Variants in LRRC74A observed in about 807,000 individuals in gnomAD.
The protein encoded by LRRC74A is leucine-rich repeat-containing protein 74A.
LRRC74A carries 44 observed loss-of-function variants against 57.9 expected under a neutral mutation model. The ratio of observed to expected loss-of-function variants is 0.76; its 90% confidence interval spans 0.60 to 0.98. The LOEUF (loss-of-function observed/expected upper bound fraction) is 0.98. Among genes scored for constraint, LRRC74A ranks in the 50% least tolerant of loss-of-function variants. The probability of loss-of-function intolerance (pLI) is 0.00; values close to 1 mark genes in which losing one functional copy is unlikely to be tolerated. For synonymous variants in LRRC74A, 211 were observed against 219.4 expected (o/e 0.96, Z 0.34); for missense variants, 572 against 574.0 (o/e 1.00, Z 0.04).
chr14:76,840,872 C>T (rs950262138), intron 5 of LRRC74A, among the ~76,000 whole-genome samples: 8 of 151,628 alleles, frequency 5.3e-5, no homozygotes, highest in Non-Finnish European at 8.8e-5. Flanking sequence ...CATGAGCCAC[C>T]GCACCTGGCC....
intron 7 of LRRC74A, among the ~76,000 whole-genome samples, chr14:76,851,953 T>G (rs1384175351): frequency 6.6e-6 from 1 of 151,720 alleles, no homozygotes; most frequent in East Asian, 1.9e-4. Flanking sequence ...TGTGAGCCAC[T>G]GTGCCTGGCT....
At chr14:76,834,337 T>C (rs1896171649) in intron 3 of LRRC74A, among the ~76,000 whole-genome samples, 1 of 152,206 alleles carries the variant, frequency 6.6e-6, no homozygotes, top group Non-Finnish European at 1.5e-5. Context: ...CTCTCAGGAC[T>C]TGGACCACTT....
chr14:76,861,343 G>C (rs1021858937), intron 11 of LRRC74A, among the ~76,000 whole-genome samples: 1 of 152,158 alleles, frequency 6.6e-6, no homozygotes, highest in East Asian at 1.9e-4. Context: ...ACATCCCTGC[G>C]GTCAGGATGG....
At position 76,853,380 on chromosome 14, in the gene LRRC74A, G is replaced by A; in HGVS notation, c.927G>A (p.Leu309=). The A allele has an allele frequency of 6.2e-7, 1 of 1,612,452 alleles. No homozygotes were observed. The stretch of plus-strand genomic sequence containing the variant: ...GGGCCTCCAAAATCAGCAAAGGACT[G>A]GAATCCAATGAAAGCCTCAGAGTTC... The part of the protein sequence containing the change: ...NEGASKISKG[L]ESNESLRVLK... Residue 309 remains leucine, a synonymous_variant, in exon 9 of 14, where the codon CTG becomes CTA. Coordinates refer to ENST00000689127, the MANE Select transcript of LRRC74A (RefSeq NM_001385106.1).
rs557512400 is a variant in LRRC74A at position 76,837,977 on chromosome 14, C to T, written c.544+6C>T. 1 of 1,539,112 alleles carries T rather than the reference C, an allele frequency of 6.5e-7. No individual in the cohort carries two copies. The highest frequency in any genetic ancestry group is 1.9e-5 in the Admixed American group (1 of 52,430). ...CTGGAGCCTTGAGCTTTCAGGTGAG[C>T]ACATGGAAAGGGAGGGAGAAGACAC... On this transcript the variant is annotated splice_donor_region_variant and intron_variant, in intron 5 of 13. Coordinates refer to ENST00000689127, the MANE Select transcript of LRRC74A (RefSeq NM_001385106.1).
intron 4 of LRRC74A, 79 bp from the exon 5 acceptor site, chr14:76,837,796 A>G: frequency 1.2e-6 from 1 of 827,586 alleles, no homozygotes; most frequent in Non-Finnish European, 2.0e-6. Flanking sequence ...GACTCAAGTA[A>G]ACCACAAAAG....
Position 76,844,472 on chromosome 14 carries a change from G to A in LRRC74A, c.594G>A (p.Ser198=), listed in dbSNP as rs1265070502. The change falls in exon 6 of 14, where the codon TCG becomes TCA. Residue 198 remains serine (S), a splice_region_variant and synonymous_variant. Coordinates refer to ENST00000689127, the MANE Select transcript of LRRC74A (RefSeq NM_001385106.1). ...CAGCACTGCTCTGCCAAGCCCTGTC[G>A]GTAAGAGGCAGGGAGTGCAGCCAAG... ...DSAALLCQAL[S]TNYQIKKLDL... is the part of the protein sequence containing the mutation. The A allele has an allele frequency of 9.9e-6, 16 of 1,611,558 alleles. No individual in the cohort carries two copies. The highest frequency in any genetic ancestry group is 2.7e-5 in the African/African-American group (2 of 74,886).
chr14:76,829,653 C>A (rs1006431625), intron 2 of LRRC74A, among the ~76,000 whole-genome samples: 2 of 152,196 alleles, frequency 1.3e-5, no homozygotes, highest in African/African-American at 4.8e-5. Context: ...TCAAACCCAG[C>A]AGAATTAGTC....
At chr14:76,858,661 G>A (rs1294421776) in intron 10 of LRRC74A, among the ~76,000 whole-genome samples, 3 of 152,068 alleles carry the variant, frequency 2.0e-5, no homozygotes, top group Non-Finnish European at 4.4e-5. Context: ...GTAATGTGAT[G>A]TCGGCTCACC....
At chr14:76,843,026 C>T (rs527796883) in intron 5 of LRRC74A, among the ~76,000 whole-genome samples, 7 of 152,050 alleles carry the variant, frequency 4.6e-5, no homozygotes, top group Non-Finnish European at 2.9e-5. Flanking sequence ...ACACCAGGTG[C>T]GAATCCCAGC....
chr14:76,832,025 A>G (rs574315358), intron 3 of LRRC74A, among the ~76,000 whole-genome samples: 2 of 152,374 alleles, frequency 1.3e-5, no homozygotes, highest in South Asian at 4.1e-4. Context: ...CACTTAGAAA[A>G]GTAAACAGAA....
intron 11 of LRRC74A, 62 bp downstream of exon 11, chr14:76,860,901 C>T (rs1898252079): frequency 1.4e-6 from 2 of 1,436,152 alleles, no homozygotes; most frequent in African/African-American, 1.4e-5. Context: ...GCCAATGGCT[C>T]CAAATCAGTT....
chr14:76,832,954 G>A (rs752831976), intron 3 of LRRC74A, among the ~76,000 whole-genome samples: 1 of 152,220 alleles, frequency 6.6e-6, no homozygotes, highest in Non-Finnish European at 1.5e-5. Context: ...TGTGTGTGCT[G>A]CAAGCTGGGC....
At chr14:76,831,803 C>A (rs1895995260) in intron 3 of LRRC74A, among the ~76,000 whole-genome samples, 1 of 152,070 alleles carries the variant, frequency 6.6e-6, no homozygotes, top group African/African-American at 2.4e-5. Context: ...CTGCCTTGTG[C>A]AACATTATAT....
intron 5 of LRRC74A, 97 bp from the exon 6 acceptor site, chr14:76,844,326 T>C (rs905485319): frequency 1.2e-4 from 137 of 1,151,802 alleles, no homozygotes; most frequent in Non-Finnish European, 1.7e-4. Flanking sequence ...TTCTGTTCGA[T>C]TGTTCTAAAG....
chr14:76,847,928 CTT>C (rs1897213353), intron 7 of LRRC74A, among the ~76,000 whole-genome samples: 2 of 152,076 alleles, frequency 1.3e-5, no homozygotes, highest in Non-Finnish European at 2.9e-5. Context: ...AATCCCAGCA[CTT>C]TGGGAGGCTG....
intron 4 of LRRC74A, among the ~76,000 whole-genome samples, chr14:76,836,784 T>C (rs1360976110): frequency 1.7e-4 from 12 of 71,698 alleles, no homozygotes; most frequent in African/African-American, 2.8e-4. Flanking sequence ...AGAATGAGAC[T>C]CCATCTCAAA....
At chr14:76,828,505 C>G (rs2140251446) in intron 2 of LRRC74A, 86 bp downstream of exon 2, 1 of 1,586,656 alleles carries the variant, frequency 6.3e-7, no homozygotes. Context: ...CATCTCACTC[C>G]TTTCCAGAGT....
intron 13 of LRRC74A, among the ~76,000 whole-genome samples, chr14:76,869,908 T>C (rs1423151229): frequency 6.6e-6 from 1 of 152,224 alleles, no homozygotes; most frequent in Non-Finnish European, 1.5e-5. Context: ...CACATGTGCA[T>C]GCCTTTCCCA....
Sources: allele counts gnomAD v4.1 joint callset (sites outside exome capture counted in the v4.1 genomes callset), GRCh38; gene constraint gnomAD v4.1.1; transcripts MANE v1.5; gene names NCBI Gene and HGNC (gene_info 2026-07-23, HGNC 2026-07-21).